Variants in ZNF557 observed in about 807,000 individuals in gnomAD.
The protein encoded by ZNF557 is zinc finger protein 557, also known as CTB-25J19.9.
ZNF557 carries 19 observed loss-of-function variants against 21.2 expected under a neutral mutation model. That is an observed-to-expected ratio of 0.90 (90% CI 0.63 to 1.32). The LOEUF (loss-of-function observed/expected upper bound fraction) is 1.32. Among genes scored for constraint, ZNF557 ranks in the 40% most tolerant of loss-of-function variants. ZNF557 has a pLI of 0.00. For missense variants in ZNF557, 487 were observed against 519.8 expected (o/e 0.94, Z 0.61); for synonymous variants, 207 against 194.8 (o/e 1.06, Z -0.52).
chr19:7,078,583 C>T (rs1166507015), intron 5 of ZNF557, among the ~76,000 whole-genome samples: 1 of 152,022 alleles, frequency 6.6e-6, no homozygotes, highest in African/African-American at 2.4e-5. Context: ...AAACGCGCAC[C>T]ACCACAGCTA....
At chr19:7,072,754 C>T (rs577766881) in intron 2 of ZNF557, among the ~76,000 whole-genome samples, 9 of 152,176 alleles carry the variant, frequency 5.9e-5, no homozygotes, top group Non-Finnish European at 1.0e-4. Flanking sequence ...GGGTTGGATG[C>T]CATGTGCCCC....
chr19:7,077,409 T>A (rs1977609235), intron 5 of ZNF557, among the ~76,000 whole-genome samples: 2 of 152,182 alleles, frequency 1.3e-5, no homozygotes, highest in Non-Finnish European at 2.9e-5. Context: ...TTGCTGGGAT[T>A]ACAGGGATGA....
chr19:7,071,880 C>G (rs1382684334), intron 2 of ZNF557, among the ~76,000 whole-genome samples: 1 of 142,082 alleles, frequency 7.0e-6, no homozygotes, highest in Non-Finnish European at 1.5e-5. Context: ...CCAAGGCAGG[C>G]AGATCACGAG....
chr19:7,075,410 A>G (rs1977563828), intron 3 of ZNF557, among the ~76,000 whole-genome samples: 1 of 152,180 alleles, frequency 6.6e-6, no homozygotes, highest in Non-Finnish European at 1.5e-5. Context: ...TGAAGTGGGA[A>G]TAATCCCTTC....
At chr19:7,075,599 G>A in intron 3 of ZNF557, 56 bp from the exon 4 acceptor site, 4 of 1,573,584 alleles carry the variant, frequency 2.5e-6, no homozygotes, top group Admixed American at 1.7e-5. Flanking sequence ...GCCTCCAGAT[G>A]TGTGAGTGGA....
intron 5 of ZNF557, among the ~76,000 whole-genome samples, chr19:7,080,445 AG>A (rs1479132474): frequency 3.9e-5 from 6 of 152,056 alleles, no homozygotes; most frequent in Non-Finnish European, 8.8e-5. Flanking sequence ...ATTTGCCTTT[AG>A]ATGTGTTGGG....
chr19:7,079,335 A>G lies in ZNF557; in HGVS notation c.248-2025A>G, dbSNP rs550796699. On this transcript the variant is annotated intron_variant, in intron 5 of 7. Coordinates refer to ENST00000252840, the MANE Select transcript of ZNF557 (RefSeq NM_024341.3). ...TGGCTAACTGCAAGCTCTGCCTCCC[A>G]GGTTCACGCCATTCTCCTGCCTCAG... Among the ~76,000 whole-genome samples, 1,416 of 144,354 alleles carry G rather than the reference A, an allele frequency of 9.8e-3. 25 individuals carry two copies. The highest frequency in any genetic ancestry group is 0.034 in the African/African-American group (1,322 of 38,682). The allele number at this position is 144,354 out of a possible 152,430, so 94.7% of individuals were successfully genotyped here. A position where few individuals can be genotyped will look rare whatever the true frequency, so the allele number is the denominator to read the frequency against.
At chr19:7,073,132 GAT>G (rs138209528) in intron 2 of ZNF557, among the ~76,000 whole-genome samples, 2,235 of 147,246 alleles carry the variant, frequency 0.015, 50 homozygotes, top group African/African-American at 0.053. Flanking sequence ...AAATAATACA[GAT>G]ATTTGTTTTT....
intron 7 of ZNF557, among the ~76,000 whole-genome samples, chr19:7,082,408 C>A (rs1209348249): frequency 1.6e-4 from 16 of 99,094 alleles, no homozygotes; most frequent in African/African-American, 4.3e-5. Context: ...GGCGACAGAG[C>A]AAGACTCTGT....
intron 4 of ZNF557, among the ~76,000 whole-genome samples, chr19:7,076,128 C>T (rs1473044335): frequency 6.6e-6 from 1 of 152,158 alleles, no homozygotes; most frequent in African/African-American, 2.4e-5. Flanking sequence ...TAGGAGCTCC[C>T]AGTTTGAGTG....
In ZNF557 at chr19:7,085,342, T is replaced by C. The variant is rs1273683803; in HGVS notation, c.*1598T>C. The C allele has an allele frequency of 6.6e-6, 1 of 151,984 alleles. No individual in the cohort carries two copies. The highest frequency in any genetic ancestry group is 2.4e-5 in the African/African-American group (1 of 41,384). The allele number at this position is 151,984 out of a possible 1,614,324, so 9.4% of individuals were successfully genotyped here. A position where few individuals can be genotyped will look rare whatever the true frequency, so the allele number is the denominator to read the frequency against. ...CATGCACCACCATGCCTGTCTAGTT[T>C]TTGTAAAGATGGGGATTCACCATGT... On this transcript the variant is annotated 3_prime_UTR_variant, in exon 8 of 8. Coordinates refer to ENST00000252840, the MANE Select transcript of ZNF557 (RefSeq NM_024341.3).
At chr19:7,075,820 G>C (rs1336760512) in intron 4 of ZNF557, 77 bp downstream of exon 4, 1 of 1,567,212 alleles carries the variant, frequency 6.4e-7, no homozygotes, top group Non-Finnish European at 8.7e-7. Flanking sequence ...CAGTGGCCTG[G>C]AGCCCCACGG....
chr19:7,079,026 A>G (rs1272372726), intron 5 of ZNF557, among the ~76,000 whole-genome samples: 2 of 151,822 alleles, frequency 1.3e-5, no homozygotes, highest in Non-Finnish European at 2.9e-5. Context: ...TCCTTTTTAT[A>G]ATTTCCATCT....
chr19:7,073,055 C>T (rs73923706), intron 2 of ZNF557, among the ~76,000 whole-genome samples: 2 of 151,924 alleles, frequency 1.3e-5, no homozygotes, highest in Admixed American at 6.6e-5. Context: ...TCTTCTCTAC[C>T]GTTTGTGCAA....
Position 7,083,854 on chromosome 19 carries a change from C to T in ZNF557, c.*110C>T, listed in dbSNP as rs914319781. 141 of 1,423,230 alleles carry T rather than the reference C, an allele frequency of 9.9e-5. No individual in the cohort carries two copies. In the East Asian group the frequency reaches 3.1e-3, roughly 32 times the overall value. The allele number at this position is 1,423,230 out of a possible 1,614,324, so 88.2% of individuals were successfully genotyped here. On this transcript the variant is annotated 3_prime_UTR_variant, in exon 8 of 8. Transcript: ENST00000252840. ...TGCTACTGTGTAACAAATTACCCCC[C>T]AAAATTTTGTGGCTTCAAACAAAAA...
At chr19:7,076,062 G>A (rs1322510355) in intron 4 of ZNF557, among the ~76,000 whole-genome samples, 1 of 152,164 alleles carries the variant, frequency 6.6e-6, no homozygotes, top group Non-Finnish European at 1.5e-5. Flanking sequence ...GTATTTCTCT[G>A]ATTTCTGCCA....
intron 7 of ZNF557, 98 bp from the exon 8 acceptor site, chr19:7,082,780 T>C (rs1977739641): frequency 2.4e-6 from 3 of 1,272,326 alleles, no homozygotes; most frequent in Admixed American, 5.0e-5. Flanking sequence ...TCCAATACTA[T>C]GATACACAAC....
chr19:7,076,245 CAGGAG>C lies in ZNF557; in HGVS notation c.121-130_121-126del. On this transcript the variant is annotated intron_variant, in intron 4 of 7. Transcript: ENST00000252840. ...AGCCAGGGAGAAGAGCTCAGAACCT[CAGGAG>C]AGGAGCTCAGAATCCCCCCACATCT... The C allele has an allele frequency of 2.5e-6, 4 of 1,573,656 alleles. No individual in the cohort carries two copies. The South Asian group carries it at 4.6e-5, about 18-fold the overall frequency.
At position 7,075,591 on chromosome 19, in the gene ZNF557, C is replaced by G. The variant is rs1977568965; in HGVS notation, c.32-64C>G. On this transcript the variant is annotated intron_variant, in intron 3 of 7. Transcript: ENST00000252840. Reference sequence around the variant, plus strand: ...GTCGATCGCAGGCAGGTGGGGAAGCCTCCAGATGTGTGAGTGGACACAGGG... The same window carrying G: ...GTCGATCGCAGGCAGGTGGGGAAGCGTCCAGATGTGTGAGTGGACACAGGG... The G allele has an allele frequency of 5.8e-6, 9 of 1,552,120 alleles. No individual in the cohort carries two copies. In the South Asian group the frequency reaches 9.0e-5, roughly 16 times the overall value.
Sources: gnomAD v4.1 joint callset for allele counts (sites outside exome capture counted in the v4.1 genomes callset) on GRCh38, gnomAD v4.1.1 for gene constraint, MANE v1.5 for transcripts, NCBI Gene and HGNC (gene_info 2026-07-23, HGNC 2026-07-21) for gene names.